The following ANKHD1 variants were observed in gnomAD, a reference collection of about 807,000 sequenced individuals.
ANKHD1 encodes ankyrin repeat and KH domain containing 1.
Under a neutral mutation model 230.5 loss-of-function variants are expected in ANKHD1, and 31 were observed. The ratio of observed to expected loss-of-function variants is 0.13; its 90% CI spans 0.10 to 0.18. The LOEUF (loss-of-function observed/expected upper bound fraction) is 0.18, where lower values mean the gene tolerates loss of function less well. Ranked by LOEUF, ANKHD1 falls within the 10% of genes least tolerant of loss-of-function variation. The probability of loss-of-function intolerance (pLI) is 1.00; values close to 1 mark genes in which losing one functional copy is unlikely to be tolerated. For synonymous variants in ANKHD1, 1,074 were observed against 1,117.6 expected, an observed-to-expected ratio of 0.96 and a Z score of 0.78; for missense variants, 2,256 against 3,071.3, an observed-to-expected ratio of 0.73 and a Z score of 6.27.
chr5:140,510,725 A>T (rs1455730386), intron 22 of ANKHD1, among the ~76,000 whole-genome samples: 1 of 152,216 alleles, frequency 6.6e-6, no homozygotes, highest in African/African-American at 2.4e-5. Flanking sequence ...AGAAGATTTA[A>T]GAAAAACTAT....
intron 1 of ANKHD1, among the ~76,000 whole-genome samples, chr5:140,411,025 T>G (rs1045181856): frequency 1.3e-5 from 2 of 152,220 alleles, no homozygotes; most frequent in Non-Finnish European, 2.9e-5. Flanking sequence ...AAATATGTAG[T>G]TTTTGGTTAC....
chr5:140,509,204 TC>T (rs1752660375), intron 20 of ANKHD1, among the ~76,000 whole-genome samples: 1 of 152,198 alleles, frequency 6.6e-6, no homozygotes, highest in South Asian at 2.1e-4. Context: ...CCTAGAGAAA[TC>T]TGTGTTATTT....
Position 140,485,310 on chromosome 5 carries a change from A to T in ANKHD1, c.1998+62A>T. On this transcript the variant is annotated intron_variant, in intron 12 of 33. Transcript: ENST00000360839. The surrounding 1 kb of genome is among the most constrained non-coding windows in gnomAD (Gnocchi z 4.8). ...GGTGGCTCATGTCTATGATCCCAGC[A>T]CTTTAGAAAGCTGAGGCGGGTGGAT... is the stretch of plus-strand genomic sequence containing the variant. The T allele has an allele frequency of 1.3e-6, 2 of 1,541,490 alleles. No individual in the cohort carries two copies. Among genetic ancestry groups the T allele is most frequent in the Non-Finnish European group, 1.8e-6 (2 of 1,138,478 alleles).
At chr5:140,444,340 G>T (rs1774107017) in intron 5 of ANKHD1, among the ~76,000 whole-genome samples, 1 of 152,102 alleles carries the variant, frequency 6.6e-6, no homozygotes, top group African/African-American at 2.4e-5. Flanking sequence ...TTCTAGTCAA[G>T]TTCGTATTTT....
chr5:140,418,387 GTCC>G (rs897360189), intron 1 of ANKHD1, among the ~76,000 whole-genome samples: 9 of 151,872 alleles, frequency 5.9e-5, no homozygotes, highest in African/African-American at 1.9e-4. Flanking sequence ...AGCTCAAGCA[GTCC>G]TCCTGCCTTG....
At chr5:140,508,908 T>C (rs1425037056) in intron 20 of ANKHD1, among the ~76,000 whole-genome samples, 2 of 152,126 alleles carry the variant, frequency 1.3e-5, no homozygotes, top group Non-Finnish European at 2.9e-5. Flanking sequence ...TTCTTAGAAC[T>C]CTGGAAAGAC....
rs958539014 is a variant in ANKHD1, at chr5:140,507,400, G to A, written c.3552-385G>A. ...TTGGCTTACCGCGAACTCTGCCTCC[G>A]GGGTTCAAGCGATTCTTATGCCTCA... On this transcript the variant is annotated intron_variant, in intron 19 of 33. Transcript: ENST00000360839. This position sits in a 1 kb window ranked among gnomAD's most constrained non-coding sequence, Gnocchi z 4.1. Among the ~76,000 whole-genome samples the A allele has an allele frequency of 1.3e-4, 20 of 152,262 alleles. No homozygotes were observed. Among genetic ancestry groups the A allele is most frequent in the South Asian group, 1.0e-3 (5 of 4,828 alleles).
At chr5:140,522,664 C>T (rs977577801) in intron 24 of ANKHD1, among the ~76,000 whole-genome samples, 1 of 151,928 alleles carries the variant, frequency 6.6e-6, no homozygotes, top group Admixed American at 6.6e-5. Flanking sequence ...GTTTTTATTT[C>T]TCTGGAGCAT....
Position 140,528,177 on chromosome 5 carries a change from C to A in ANKHD1, c.5238-7C>A. ...TGGTCTTGTTTCTGTTTTTTTTTTT[C>A]CCTTAGGGGTGGCACAGAATCAACA... On this transcript the variant is annotated splice_polypyrimidine_tract_variant and splice_region_variant and intron_variant, in intron 28 of 33. Transcript: ENST00000360839. 7.2e-7 allele frequency: 1 copy of A among 1,394,350 alleles called. No homozygotes were observed. The highest frequency in any genetic ancestry group is 9.3e-7 in the Non-Finnish European group (1 of 1,071,970). The allele number at this position is 1,394,350 out of a possible 1,614,324, so 86.4% of individuals were successfully genotyped here.
intron 29 of ANKHD1, among the ~76,000 whole-genome samples, chr5:140,533,706 G>A (rs868218056): frequency 2.0e-5 from 3 of 148,746 alleles, no homozygotes; most frequent in Non-Finnish European, 3.0e-5. Context: ...CCCAGAGGTC[G>A]AGGCTGCAGT....
At position 140,527,099 on chromosome 5, in the gene ANKHD1, T is replaced by C; in HGVS notation, c.5087+25T>C. ...GGTAAATAGAATTAGTTCCATCTTT[T>C]TAGCTTTCATATATTTTCCCTTTCT... On this transcript the variant is annotated intron_variant, in intron 27 of 33. Transcript: ENST00000360839. The surrounding 1 kb of genome is among the most constrained non-coding windows in gnomAD (Gnocchi z 4.5). 1.3e-6 allele frequency: 2 copies of C among 1,595,822 alleles called. No individual in the cohort carries two copies. Among genetic ancestry groups the C allele is most frequent in the Non-Finnish European group, 1.7e-6 (2 of 1,172,494 alleles).
At chr5:140,533,336 C>T (rs1029402512) in intron 29 of ANKHD1, among the ~76,000 whole-genome samples, 35 of 152,094 alleles carry the variant, frequency 2.3e-4, no homozygotes, top group Middle Eastern at 3.2e-3. Context: ...CGGTGGCTCA[C>T]GCCTGTAATC....
Position 140,486,869 on chromosome 5 carries a change from G to A in ANKHD1, c.2143-89G>A, listed in dbSNP as rs1020142778. 3.8e-6 allele frequency: 5 copies of A among 1,324,722 alleles called. No individual in the cohort carries two copies. The African/African-American group carries it at 7.4e-5, about 20-fold the overall frequency. The allele number at this position is 1,324,722 out of a possible 1,614,324, so 82.1% of individuals were successfully genotyped here. The stretch of plus-strand genomic sequence containing the variant: ...AAAAGTGCATTTGGTGGTATATGAA[G>A]ATAACCTAAAACAGGATATCTGTTT... On this transcript the variant is annotated intron_variant, in intron 13 of 33. Transcript: ENST00000360839.
chr5:140,446,186 T>C (rs1026131353), intron 6 of ANKHD1, among the ~76,000 whole-genome samples: 1 of 152,188 alleles, frequency 6.6e-6, no homozygotes, highest in African/African-American at 2.4e-5. Flanking sequence ...AATTCAGATT[T>C]ATTGGGTTAA....
At chr5:140,443,473 G>A (rs1013517438) in intron 5 of ANKHD1, among the ~76,000 whole-genome samples, 46 of 151,722 alleles carry the variant, frequency 3.0e-4, no homozygotes, top group South Asian at 4.2e-4. Context: ...GGAGGATCAC[G>A]AGGTCAGGAG....
rs775492595 is a variant in ANKHD1 at position 140,526,899 on chromosome 5, T to C, written c.4941-29T>C. The C allele has an allele frequency of 2.5e-6, 4 of 1,591,632 alleles. No individual in the cohort carries two copies. In the Admixed American group the frequency reaches 7.4e-5, roughly 29 times the overall value. The stretch of plus-strand genomic sequence containing the variant: ...AGTTTCTATCTTAAAACTTATCTTT[T>C]ATTGTACTTGCTATTTGTCTCTTCT... On this transcript the variant is annotated intron_variant, in intron 26 of 33. Transcript: ENST00000360839.
intron 29 of ANKHD1, among the ~76,000 whole-genome samples, chr5:140,534,820 A>G (rs1754000232): frequency 6.6e-6 from 1 of 152,232 alleles, no homozygotes. Context: ...AACTTTGATA[A>G]TAGTTTGCAA....
At chr5:140,471,009 G>T (rs1288446502) in intron 10 of ANKHD1, among the ~76,000 whole-genome samples, 2 of 151,920 alleles carry the variant, frequency 1.3e-5, no homozygotes, top group East Asian at 3.9e-4. Context: ...AAGTGTTTTG[G>T]ATATTTTTTT....
At chr5:140,413,250 A>G (rs1581206153) in intron 1 of ANKHD1, among the ~76,000 whole-genome samples, 1 of 152,350 alleles carries the variant, frequency 6.6e-6, no homozygotes, top group Non-Finnish European at 1.5e-5. Context: ...TAAAATATTC[A>G]TAACATAAAA....
Sources: allele counts gnomAD v4.1 joint callset (sites outside exome capture counted in the v4.1 genomes callset), GRCh38; gene constraint gnomAD v4.1.1; non-coding constraint Gnocchi (gnomAD v3.1); transcripts MANE v1.5; gene names NCBI Gene and HGNC (gene_info 2026-07-23, HGNC 2026-07-21).